HDAC9: variants seen among roughly 807,000 people sequenced by gnomAD.
HDAC9 encodes the protein MEF-2 interacting transcription repressor (MITR) protein.
In HDAC9, 41 loss-of-function variants were observed where a neutral mutation model predicts 139.4. The ratio of observed to expected loss-of-function variants is 0.29; its 90% confidence interval spans 0.23 to 0.38. The LOEUF is 0.38. HDAC9 is among the 10% of genes least tolerant of loss of function. The probability of loss-of-function intolerance (pLI) is 1.00; values close to 1 mark genes in which losing one functional copy is unlikely to be tolerated. For synonymous variants in HDAC9, 517 were observed against 476.2 expected (o/e 1.09, Z -1.12); for missense variants, 1,147 against 1,297.0 (o/e 0.88, Z 1.78).
At chr7:18,616,624 G>A (rs892998376) in intron 6 of HDAC9, among the ~76,000 whole-genome samples, 1 of 152,140 alleles carries the variant, frequency 6.6e-6, no homozygotes, top group Non-Finnish European at 1.5e-5. Context: ...TACCAATAAC[G>A]TTCCAAAACC....
Position 18,433,990 on chromosome 7 carries a change from A to T in HDAC9, c.-41-62272A>T, listed in dbSNP as rs183945223. ...ATCCTAAGCAAAAAGAACTAAGCTG[A>T]AAGCATCATTACCTGCTTTAAACTA... On this transcript the variant is annotated intron_variant, in intron 1 of 3. Transcript: ENST00000413509. Among the ~76,000 whole-genome samples the T allele has an allele frequency of 2.0e-3, 304 of 152,280 alleles. 2 individuals carry two copies. The highest frequency in any genetic ancestry group is 6.8e-3 in the African/African-American group (284 of 41,562).
At chr7:18,844,495 C>T (rs1485146307) in intron 21 of HDAC9, among the ~76,000 whole-genome samples, 2 of 152,192 alleles carry the variant, frequency 1.3e-5, no homozygotes. Flanking sequence ...AAGAAAATAA[C>T]ATGTACACAT....
intron 1 of HDAC9, among the ~76,000 whole-genome samples, chr7:18,440,401 T>G (rs1585919235): frequency 6.6e-6 from 1 of 151,924 alleles, no homozygotes; most frequent in African/African-American, 2.4e-5. Context: ...GTCAGGCTGG[T>G]CTCGAACCCC....
intron 24 of HDAC9, among the ~76,000 whole-genome samples, chr7:18,968,626 G>A (rs1784041377): frequency 6.6e-6 from 1 of 152,128 alleles, no homozygotes; most frequent in South Asian, 2.1e-4. Context: ...ATAGGGTCCA[G>A]TGGTATTACT....
intron 2 of HDAC9, among the ~76,000 whole-genome samples, chr7:18,513,473 T>G (rs1473276623): frequency 6.6e-6 from 1 of 152,158 alleles, no homozygotes; most frequent in Non-Finnish European, 1.5e-5. Context: ...AATGGAGAAG[T>G]GACTTTTAAG....
intron 25 of HDAC9, among the ~76,000 whole-genome samples, chr7:18,978,560 A>G (rs1240207816): frequency 1.3e-5 from 2 of 152,162 alleles, no homozygotes; most frequent in Non-Finnish European, 2.9e-5. Flanking sequence ...AAAAGACTTG[A>G]TCAAAAAAAT....
intron 9 of HDAC9, among the ~76,000 whole-genome samples, chr7:18,645,057 G>C (rs1045313357): frequency 6.6e-6 from 1 of 151,962 alleles, no homozygotes; most frequent in Non-Finnish European, 1.5e-5. Context: ...GCACTTTCCA[G>C]ATATATTATT....
rs1172810549 is a variant in HDAC9 at position 18,585,423 on chromosome 7, G to A, written c.165G>A (p.Gln55=). The part of the protein sequence containing the change: ...QLQQELLLIQ[Q]QQQIQKQLLI... ...AGCAGGAATTACTTCTTATCCAGCA[G>A]CAGCAACAAATCCAGAAGCAGCTTC... Residue 55 remains glutamine, a synonymous_variant, in exon 3 of 26, where the codon CAG becomes CAA. Coordinates refer to ENST00000686413, the MANE Select transcript of HDAC9 (RefSeq NM_178425.4). 6.2e-7 allele frequency: 1 copy of A among 1,613,998 alleles called. No individual in the cohort carries two copies. The highest frequency in any genetic ancestry group is 8.5e-7 in the Non-Finnish European group (1 of 1,179,896).
intron 2 of HDAC9, among the ~76,000 whole-genome samples, chr7:18,185,142 C>G (rs148559230): frequency 4.0e-4 from 61 of 152,288 alleles, no homozygotes; most frequent in Admixed American, 3.2e-3. Flanking sequence ...GGTTAGAAGT[C>G]AAACAACTTT....
At chr7:18,197,467 A>G (rs908959030) in intron 2 of HDAC9, among the ~76,000 whole-genome samples, 4 of 152,294 alleles carry the variant, frequency 2.6e-5, no homozygotes, top group Admixed American at 1.3e-4. Flanking sequence ...AAGCAGCTGT[A>G]GTGAGGTAGG....
chr7:18,406,324 T>G (rs1433924045), intron 1 of HDAC9, among the ~76,000 whole-genome samples: 1 of 152,180 alleles, frequency 6.6e-6, no homozygotes, highest in Non-Finnish European at 1.5e-5. Context: ...TTACTTTTAA[T>G]GGCAAAAACT....
At chr7:18,577,594 C>T (rs1451102176) in intron 2 of HDAC9, among the ~76,000 whole-genome samples, 3 of 152,154 alleles carry the variant, frequency 2.0e-5, no homozygotes, top group Non-Finnish European at 2.9e-5. Flanking sequence ...TTTATATGTA[C>T]TTTATGTGAG....
intron 9 of HDAC9, among the ~76,000 whole-genome samples, chr7:18,646,667 G>T (rs1235381548): frequency 6.6e-6 from 1 of 152,048 alleles, no homozygotes; most frequent in Non-Finnish European, 1.5e-5. Context: ...CCTCCCTGGT[G>T]CACAGCAATT....
At chr7:18,121,282 G>T (rs547871622) in intron 1 of HDAC9, among the ~76,000 whole-genome samples, 10 of 152,290 alleles carry the variant, frequency 6.6e-5, no homozygotes, top group African/African-American at 1.9e-4. Context: ...TTTGGGACTT[G>T]CACATTGAAA....
intron 1 of HDAC9, among the ~76,000 whole-genome samples, chr7:18,104,781 A>G (rs1243961754): frequency 6.6e-6 from 1 of 151,572 alleles, no homozygotes; most frequent in Non-Finnish European, 1.5e-5. Flanking sequence ...TTTTCCCTTT[A>G]CTCTGTAAGG....
intron 1 of HDAC9, among the ~76,000 whole-genome samples, chr7:18,298,748 T>A (rs1027462511): frequency 1.3e-5 from 2 of 152,198 alleles, no homozygotes; most frequent in African/African-American, 4.8e-5. Context: ...TAGGACACTC[T>A]TAGTCATATA....
At chr7:18,899,124 G>A (rs1380703937) in intron 22 of HDAC9, among the ~76,000 whole-genome samples, 1 of 151,970 alleles carries the variant, frequency 6.6e-6, no homozygotes. Context: ...TTTAATGTTA[G>A]GATATATTTG....
intron 25 of HDAC9, among the ~76,000 whole-genome samples, chr7:18,985,335 T>C (rs1206457916): frequency 3.3e-5 from 5 of 152,190 alleles, no homozygotes; most frequent in Non-Finnish European, 5.9e-5. Flanking sequence ...TTTTTTGTTC[T>C]TGCGATAGTT....
chr7:18,536,076 A>C (rs1810809480), intron 2 of HDAC9, among the ~76,000 whole-genome samples: 1 of 152,200 alleles, frequency 6.6e-6, no homozygotes, highest in Non-Finnish European at 1.5e-5. Flanking sequence ...TCAAGCCTAC[A>C]CTGCAACCCA....
Sources: allele counts gnomAD v4.1 joint callset (sites outside exome capture counted in the v4.1 genomes callset), GRCh38; gene constraint gnomAD v4.1.1; transcripts MANE v1.5; gene names NCBI Gene and HGNC (gene_info 2026-07-23, HGNC 2026-07-21).